The following DOCK8 variants were observed in gnomAD, a reference collection of about 807,000 sequenced individuals.
DOCK8 encodes dedicator of cytokinesis 8.
A neutral mutation model predicts 245.6 loss-of-function variants in DOCK8; 141 were observed. The ratio of observed to expected loss-of-function variants is 0.57; its 90% CI spans 0.50 to 0.66. The LOEUF (loss-of-function observed/expected upper bound fraction) is 0.66. DOCK8 is among the 30% of genes least tolerant of loss of function. DOCK8 has a pLI of 0.00. For missense variants in DOCK8, 2,965 were observed against 2,603.4 expected, an observed-to-expected ratio of 1.14 and a Z score of -3.02; for synonymous variants, 1,168 against 970.2, an observed-to-expected ratio of 1.20 and a Z score of -3.79.
intron 26 of DOCK8, 137 bp downstream of exon 26, chr9:399,396 A>T (rs910851294): frequency 8.4e-6 from 6 of 716,254 alleles, no homozygotes; most frequent in Non-Finnish European, 1.3e-5. Context: ...GTTTTGCAGC[A>T]CGTCCCTCAT....
chr9:333,568 T>A (rs1024906592), intron 10 of DOCK8, among the ~76,000 whole-genome samples: 2 of 150,214 alleles, frequency 1.3e-5, no homozygotes, highest in African/African-American at 4.9e-5. Flanking sequence ...GCCACTGCAC[T>A]CCAGCCTGGG....
intron 26 of DOCK8, among the ~76,000 whole-genome samples, chr9:399,663 G>T (rs566935931): frequency 6.6e-5 from 10 of 151,788 alleles, no homozygotes; most frequent in African/African-American, 2.4e-4. Context: ...GTGATGCTCC[G>T]ACTTGAAAGA....
chr9:256,952 C>G (rs980121677), intron 1 of DOCK8, among the ~76,000 whole-genome samples: 1 of 152,204 alleles, frequency 6.6e-6, no homozygotes, highest in African/African-American at 2.4e-5. Context: ...CTAAGAGATT[C>G]TCGTCATTCT....
At chr9:236,800 C>G (rs1460041608) in intron 1 of DOCK8, among the ~76,000 whole-genome samples, 2 of 152,200 alleles carry the variant, frequency 1.3e-5, no homozygotes. Flanking sequence ...CTGCTTCCAT[C>G]TTACAGCTCT....
intron 14 of DOCK8, among the ~76,000 whole-genome samples, chr9:351,866 G>GT (rs545988823): frequency 6.0e-4 from 92 of 152,312 alleles, no homozygotes; most frequent in African/African-American, 2.2e-3. Flanking sequence ...TGTATCCAGT[G>GT]TTTGCAACTC....
At chr9:339,190 C>T in intron 13 of DOCK8, 91 bp downstream of exon 13, 9 of 1,124,160 alleles carry the variant, frequency 8.0e-6, no homozygotes, top group Non-Finnish European at 1.2e-5. Context: ...TTTATAAAAT[C>T]ATGTTTGCCA....
chr9:265,887 C>G (rs2048025541), intron 1 of DOCK8, among the ~76,000 whole-genome samples: 4 of 152,144 alleles, frequency 2.6e-5, no homozygotes, highest in Admixed American at 2.6e-4. Flanking sequence ...TAAGGCCCAC[C>G]TTAGTCAACT....
chr9:243,859 C>T (rs2047437899), intron 1 of DOCK8, among the ~76,000 whole-genome samples: 1 of 152,050 alleles, frequency 6.6e-6, no homozygotes, highest in Admixed American at 6.6e-5. Context: ...ATCCATGGTG[C>T]CTACTACTCC....
At chr9:442,554 C>G (rs1564074465) in intron 42 of DOCK8, among the ~76,000 whole-genome samples, 1 of 152,128 alleles carries the variant, frequency 6.6e-6, no homozygotes, top group South Asian at 2.1e-4. Flanking sequence ...GTCCATAATA[C>G]AACAGAAAAG....
chr9:431,698 G>C (rs1376811884), intron 36 of DOCK8, among the ~76,000 whole-genome samples: 1 of 151,980 alleles, frequency 6.6e-6, no homozygotes, highest in South Asian at 2.1e-4. Context: ...TAGTAGAGGC[G>C]GGGTTTTGCT....
intron 2 of DOCK8, among the ~76,000 whole-genome samples, chr9:286,234 T>C (rs2048817426): frequency 6.6e-6 from 1 of 152,004 alleles, no homozygotes; most frequent in Non-Finnish European, 1.5e-5. Context: ...CGCCTTGGGG[T>C]GGGATTTTAA....
chr9:336,532 G>C, intron 11 of DOCK8, 50 bp from the exon 12 acceptor site: 1 of 1,612,894 alleles, frequency 6.2e-7, no homozygotes, highest in Non-Finnish European at 8.5e-7. Flanking sequence ...TAACTGCTGT[G>C]TGTTTGAACA....
chr9:428,397 G>A lies in DOCK8; in HGVS notation c.4374G>A (p.Leu1458=). 5 of 1,614,202 alleles carry A rather than the reference G, an allele frequency of 3.1e-6. No individual in the cohort carries two copies. The highest frequency in any genetic ancestry group is 4.2e-6 in the Non-Finnish European group (5 of 1,180,040). ...SSALDCKDSL[L]GGVLRVLVNS... ...CTCTGGACTGTAAAGACAGCCTGCT[G>A]GGAGGTGTTCTGAGGGTGCTGGTGA... Residue 1458 remains leucine (L), a synonymous_variant, in exon 35 of 48, where the codon CTG becomes CTA. Transcript: ENST00000432829.
At chr9:418,475 C>T (rs1034027893) in intron 30 of DOCK8, among the ~76,000 whole-genome samples, 8 of 152,036 alleles carry the variant, frequency 5.3e-5, no homozygotes, top group African/African-American at 1.9e-4. Context: ...GCCATGTTGG[C>T]CAGGCTGGTC....
intron 1 of DOCK8, 59 bp downstream of exon 1, chr9:215,088 C>G (rs961832437): frequency 1.1e-5 from 16 of 1,521,998 alleles, no homozygotes; most frequent in South Asian, 1.2e-5. Flanking sequence ...TGGTGTGAAG[C>G]GGAGCTTCGC....
intron 1 of DOCK8, among the ~76,000 whole-genome samples, chr9:258,632 C>T (rs982951368): frequency 1.1e-3 from 127 of 117,338 alleles, no homozygotes; most frequent in African/African-American, 4.1e-3. Flanking sequence ...GAGTCTTGCT[C>T]TGTTGCCCAG....
intron 8 of DOCK8, among the ~76,000 whole-genome samples, chr9:327,184 C>T (rs1265732009): frequency 6.6e-6 from 1 of 152,172 alleles, no homozygotes; most frequent in Non-Finnish European, 1.5e-5. Context: ...TCTAATCTCT[C>T]CCTGGCACAT....
chr9:224,695 G>C (rs2131350066), intron 1 of DOCK8, among the ~76,000 whole-genome samples: 1 of 152,214 alleles, frequency 6.6e-6, no homozygotes, highest in South Asian at 2.1e-4. Flanking sequence ...AGAGAAGTTG[G>C]GCTGTCCTCA....
At chr9:283,129 G>A (rs189526232) in intron 2 of DOCK8, among the ~76,000 whole-genome samples, 52 of 152,234 alleles carry the variant, frequency 3.4e-4, no homozygotes, top group Admixed American at 1.6e-3. Context: ...AAATTATAGC[G>A]GTTAAGAATG....
Sources: gnomAD v4.1 joint callset for allele counts (sites outside exome capture counted in the v4.1 genomes callset) on GRCh38, gnomAD v4.1.1 for gene constraint, MANE v1.5 for transcripts, NCBI Gene and HGNC (gene_info 2026-07-23, HGNC 2026-07-21) for gene names.